The following GRIA1 variants were observed in gnomAD, a reference collection of about 807,000 sequenced individuals.
GRIA1 encodes the protein glutamate ionotropic receptor AMPA type subunit 1.
In GRIA1, 31 loss-of-function variants were observed where a neutral mutation model predicts 99.2. The ratio of observed to expected loss-of-function variants is 0.31; its 90% confidence interval spans 0.23 to 0.42. The LOEUF is 0.42. GRIA1 is among the 10% of genes least tolerant of loss of function. GRIA1 has a pLI of 1.00. For missense variants in GRIA1, 782 were observed against 1,157.5 expected, an observed-to-expected ratio of 0.68 and a Z score of 4.71; for synonymous variants, 438 against 432.4, an observed-to-expected ratio of 1.01 and a Z score of -0.16.
At chr5:153,607,743 A>G (rs1455012589) in intron 2 of GRIA1, among the ~76,000 whole-genome samples, 1 of 152,060 alleles carries the variant, frequency 6.6e-6, no homozygotes, top group Non-Finnish European at 1.5e-5. Flanking sequence ...GCTAATGTAC[A>G]TGTTATTATT....
In GRIA1 at chr5:153,677,029, G is replaced by C. The variant is rs372429427; in HGVS notation, c.897G>C (p.Val299=). 9.2e-5 allele frequency: 144 copies of C among 1,557,852 alleles called. 1 individual carries two copies. In the South Asian group the frequency reaches 1.7e-3, roughly 18 times the overall value. ...TSALTYDGVK[V]MAEAFQSLRR... The stretch of plus-strand genomic sequence containing the variant: ...CGCTCACCTACGATGGGGTGAAGGT[G>C]ATGGCTGAGGCTTTCCAGAGCCTGC... The change falls in exon 7 of 16, where the codon GTG becomes GTC. Residue 299 remains valine, a synonymous_variant. Transcript: ENST00000285900.
chr5:153,809,299 T>C (rs1766650775), intron 15 of GRIA1, among the ~76,000 whole-genome samples: 1 of 152,212 alleles, frequency 6.6e-6, no homozygotes, highest in African/African-American at 2.4e-5. Flanking sequence ...CTTAGAAGAA[T>C]GCAATCCAGG....
intron 2 of GRIA1, among the ~76,000 whole-genome samples, chr5:153,523,746 T>G (rs1488435556): frequency 6.6e-6 from 1 of 152,148 alleles, no homozygotes; most frequent in Admixed American, 6.5e-5. Flanking sequence ...GACCTACATA[T>G]AGGAGATGAC....
At chr5:153,587,453 G>A (rs1242267494) in intron 2 of GRIA1, among the ~76,000 whole-genome samples, 2 of 152,140 alleles carry the variant, frequency 1.3e-5, no homozygotes, top group South Asian at 2.1e-4. Flanking sequence ...TTACAGCAGT[G>A]CAAGAACAGC....
At chr5:153,511,163 G>T (rs190553437) in intron 2 of GRIA1, among the ~76,000 whole-genome samples, 1 of 152,292 alleles carries the variant, frequency 6.6e-6, no homozygotes, top group Admixed American at 6.5e-5. Context: ...CCACAACCAA[G>T]GAGTATTTTA....
rs938215848 is a variant in GRIA1 at position 153,796,667 on chromosome 5, G to C, written c.2385+1932G>C. 4.6e-5 allele frequency among the ~76,000 whole-genome samples: 7 copies of C among 152,108 alleles called. No homozygotes were observed. In the East Asian group the frequency reaches 9.6e-4, roughly 21 times the overall value. Reference sequence around the variant, plus strand: ...TTACTTCAGTGTATCATCTAACACTGTCTCCCATACCATCCAGAGGTGGGC... The same window carrying C: ...TTACTTCAGTGTATCATCTAACACTCTCTCCCATACCATCCAGAGGTGGGC... On this transcript the variant is annotated intron_variant, in intron 14 of 15. Coordinates refer to ENST00000285900, the MANE Select transcript of GRIA1 (RefSeq NM_000827.4).
At chr5:153,760,718 G>A (rs987848369) in intron 11 of GRIA1, among the ~76,000 whole-genome samples, 1 of 151,926 alleles carries the variant, frequency 6.6e-6, no homozygotes, top group Non-Finnish European at 1.5e-5. Context: ...AAGAGCCAAG[G>A]CAATCTTGAA....
In GRIA1 at chr5:153,729,097, A is replaced by G. The variant is rs534938364; in HGVS notation, c.1823+23030A>G. 5.3e-5 allele frequency among the ~76,000 whole-genome samples: 8 copies of G among 150,662 alleles called. No individual in the cohort carries two copies. In the East Asian group the frequency reaches 1.4e-3, roughly 27 times the overall value. ...GTGTCCTTTGTAGGGACGTGGATGA[A>G]ATTGGAAATCATCATTCTCAGTAAA... is the stretch of plus-strand genomic sequence containing the variant. On this transcript the variant is annotated intron_variant, in intron 11 of 15. Coordinates refer to ENST00000285900, the MANE Select transcript of GRIA1 (RefSeq NM_000827.4).
At chr5:153,620,865 T>C (rs867691975) in intron 2 of GRIA1, among the ~76,000 whole-genome samples, 6 of 152,338 alleles carry the variant, frequency 3.9e-5, no homozygotes, top group Middle Eastern at 3.4e-3. Flanking sequence ...GTTCTGCCTT[T>C]ATTTGGCTGT....
intron 2 of GRIA1, among the ~76,000 whole-genome samples, chr5:153,559,632 G>A (rs1377381156): frequency 6.6e-6 from 1 of 152,098 alleles, no homozygotes; most frequent in Non-Finnish European, 1.5e-5. Context: ...AGCACAGTAG[G>A]TTTCTTTAAA....
At chr5:153,782,156 C>T (rs1004718167) in intron 13 of GRIA1, among the ~76,000 whole-genome samples, 3 of 152,118 alleles carry the variant, frequency 2.0e-5, no homozygotes, top group African/African-American at 7.2e-5. Context: ...TTTATGTAAT[C>T]CTCACAAGAA....
At chr5:153,618,381 C>T (rs964799838) in intron 2 of GRIA1, among the ~76,000 whole-genome samples, 3 of 152,194 alleles carry the variant, frequency 2.0e-5, no homozygotes, top group Non-Finnish European at 4.4e-5. Flanking sequence ...TTGCACCCTG[C>T]AGGCAAATGC....
At chr5:153,802,520 A>C in intron 15 of GRIA1, 30 bp downstream of exon 15, 1 of 1,612,680 alleles carries the variant, frequency 6.2e-7, no homozygotes, top group Non-Finnish European at 8.5e-7. Flanking sequence ...CCTTTTTCCT[A>C]ACCTGTTCTG....
intron 2 of GRIA1, chr5:153,525,482 C>G (rs1266215203): frequency 6.6e-6 from 1 of 151,812 alleles, no homozygotes; most frequent in African/African-American, 2.4e-5. Flanking sequence ...TATATACCTA[C>G]TATGTACCAC....
At chr5:153,667,305 C>G (rs1487583929) in intron 5 of GRIA1, among the ~76,000 whole-genome samples, 1 of 152,212 alleles carries the variant, frequency 6.6e-6, no homozygotes, top group Non-Finnish European at 1.5e-5. Flanking sequence ...GGTGTCAGCA[C>G]AGGCAGGATG....
intron 2 of GRIA1, among the ~76,000 whole-genome samples, chr5:153,508,867 A>G (rs200252826): frequency 3.2e-5 from 1 of 31,168 alleles, no homozygotes; most frequent in African/African-American, 4.0e-4. Flanking sequence ...GGATAGGTTA[A>G]GGCTAAACTC....
At chr5:153,696,436 C>T (rs1758110329) in intron 8 of GRIA1, among the ~76,000 whole-genome samples, 1 of 152,190 alleles carries the variant, frequency 6.6e-6, no homozygotes, top group Non-Finnish European at 1.5e-5. Context: ...CACTTTGCAG[C>T]TACTTCACCT....
chr5:153,600,997 T>C (rs1293191778), intron 2 of GRIA1, among the ~76,000 whole-genome samples: 1 of 152,146 alleles, frequency 6.6e-6, no homozygotes, highest in African/African-American at 2.4e-5. Context: ...TGAAGTGGAT[T>C]CCTCCTGAGG....
At chr5:153,610,861 A>G (rs1561688132) in intron 2 of GRIA1, among the ~76,000 whole-genome samples, 1 of 152,246 alleles carries the variant, frequency 6.6e-6, no homozygotes. Context: ...TTTTAGTATT[A>G]TAATTGTATA....
Sources: allele counts gnomAD v4.1 joint callset (sites outside exome capture counted in the v4.1 genomes callset), GRCh38; gene constraint gnomAD v4.1.1; transcripts MANE v1.5; gene names NCBI Gene and HGNC (gene_info 2026-07-23, HGNC 2026-07-21).